Variants in RAP1GDS1 observed in about 807,000 individuals in gnomAD.
The protein encoded by RAP1GDS1 is RAP1, GTP-GDP dissociation stimulator 1.
Under a neutral mutation model 71.1 loss-of-function variants are expected in RAP1GDS1, and 35 were observed. The ratio of observed to expected loss-of-function variants is 0.49; its 90% confidence interval spans 0.38 to 0.65. RAP1GDS1 has a LOEUF of 0.65. RAP1GDS1 is among the 30% of genes least tolerant of loss of function. The probability of loss-of-function intolerance (pLI) is 0.00; values close to 1 mark genes in which losing one functional copy is unlikely to be tolerated. For synonymous variants in RAP1GDS1, 229 were observed against 243.1 expected, an observed-to-expected ratio of 0.94 and a Z score of 0.54; for missense variants, 663 against 706.1, an observed-to-expected ratio of 0.94 and a Z score of 0.69.
chr4:98,436,847 G>A (rs1223615483), intron 13 of RAP1GDS1, 93 bp from the exon 14 acceptor site: 1 of 1,261,210 alleles, frequency 7.9e-7, no homozygotes, highest in African/African-American at 1.5e-5. Context: ...CCATTTAGAA[G>A]GTTTCGTATG....
At chr4:98,285,824 TAATTATAAATA>T (rs1247524623) in intron 1 of RAP1GDS1, among the ~76,000 whole-genome samples, 3 of 128,946 alleles carry the variant, frequency 2.3e-5, no homozygotes, top group South Asian at 2.4e-4. Context: ...TTATAATAAA[TAATTATAAATA>T]AATTATAAAT....
At chr4:98,296,969 T>C in intron 2 of RAP1GDS1, 2 of 297,574 alleles carry the variant, frequency 6.7e-6, no homozygotes, top group Non-Finnish European at 6.6e-6. Flanking sequence ...GCCATACAGC[T>C]TTAAACTCTC....
intron 10 of RAP1GDS1, among the ~76,000 whole-genome samples, chr4:98,419,013 T>C (rs930354755): frequency 2.0e-5 from 3 of 152,246 alleles, no homozygotes; most frequent in African/African-American, 4.8e-5. Flanking sequence ...TCAGATATCC[T>C]GTTACCTTTT....
intron 4 of RAP1GDS1, among the ~76,000 whole-genome samples, chr4:98,359,202 T>A (rs1458655697): frequency 2.0e-5 from 3 of 152,060 alleles, no homozygotes; most frequent in Non-Finnish European, 4.4e-5. Context: ...AAAATAAGAT[T>A]TACGGAGTGG....
At chr4:98,374,121 A>G (rs28656298) in intron 4 of RAP1GDS1, among the ~76,000 whole-genome samples, 22,899 of 152,108 alleles carry the variant, frequency 0.15, 2,626 homozygotes, top group African/African-American at 0.31. Context: ...AAGGGGGACT[A>G]CTGACTACTG....
At chr4:98,386,680 A>G (rs1478200922) in intron 5 of RAP1GDS1, among the ~76,000 whole-genome samples, 2 of 151,790 alleles carry the variant, frequency 1.3e-5, no homozygotes, top group Non-Finnish European at 2.9e-5. Context: ...AGAAGGCTTT[A>G]AAATAATTGA....
intron 6 of RAP1GDS1, among the ~76,000 whole-genome samples, chr4:98,401,460 TAAAC>T (rs1298760793): frequency 3.3e-5 from 5 of 152,112 alleles, no homozygotes; most frequent in East Asian, 1.9e-4. Context: ...AAATGCCAAA[TAAAC>T]TAGCAGTACA....
At chr4:98,361,953 T>C (rs1255009935) in intron 4 of RAP1GDS1, among the ~76,000 whole-genome samples, 2 of 152,238 alleles carry the variant, frequency 1.3e-5, no homozygotes, top group East Asian at 3.8e-4. Context: ...CTTTTGCTTT[T>C]ATATCTAGTC....
intron 7 of RAP1GDS1, among the ~76,000 whole-genome samples, chr4:98,408,036 G>A (rs567015890): frequency 4.6e-5 from 7 of 151,580 alleles, no homozygotes; most frequent in Non-Finnish European, 8.8e-5. Flanking sequence ...AGACCTTACC[G>A]CAGGTCTTAC....
chr4:98,356,188 C>A (rs1007793063), intron 4 of RAP1GDS1, among the ~76,000 whole-genome samples: 1 of 151,996 alleles, frequency 6.6e-6, no homozygotes, highest in Non-Finnish European at 1.5e-5. Flanking sequence ...ATGGGATACA[C>A]CAGGGAATGT....
chr4:98,381,457 T>A (rs1013374975), intron 5 of RAP1GDS1, among the ~76,000 whole-genome samples: 1 of 151,630 alleles, frequency 6.6e-6, no homozygotes, highest in Non-Finnish European at 1.5e-5. Context: ...TATTGTTTTG[T>A]CCATTATTTG....
At chr4:98,393,266 G>T (rs1041814780) in intron 6 of RAP1GDS1, among the ~76,000 whole-genome samples, 1 of 152,124 alleles carries the variant, frequency 6.6e-6, no homozygotes, top group African/African-American at 2.4e-5. Flanking sequence ...AAAGGGAATA[G>T]AAATTATTAA....
At chr4:98,430,658 C>A (rs144119863) in intron 12 of RAP1GDS1, among the ~76,000 whole-genome samples, 300 of 152,282 alleles carry the variant, frequency 2.0e-3, no homozygotes, top group African/African-American at 7.1e-3. Flanking sequence ...GACCATGGAT[C>A]CTTTCTGCAG....
chr4:98,399,302 G>A (rs1028145115), intron 6 of RAP1GDS1, among the ~76,000 whole-genome samples: 2 of 152,162 alleles, frequency 1.3e-5, no homozygotes, highest in African/African-American at 4.8e-5. Flanking sequence ...GAAAATATTT[G>A]CAAATTATTC....
At chr4:98,395,443 C>T (rs1466721615) in intron 6 of RAP1GDS1, among the ~76,000 whole-genome samples, 5 of 152,230 alleles carry the variant, frequency 3.3e-5, no homozygotes, top group African/African-American at 9.6e-5. Flanking sequence ...GTATACCATG[C>T]CAGCCTGTGC....
intron 4 of RAP1GDS1, among the ~76,000 whole-genome samples, chr4:98,360,992 A>C (rs1415444572): frequency 6.6e-6 from 1 of 151,568 alleles, no homozygotes; most frequent in African/African-American, 2.4e-5. Flanking sequence ...AGGCTGGGGC[A>C]TGAGAATTGC....
intron 2 of RAP1GDS1, among the ~76,000 whole-genome samples, chr4:98,339,556 G>C (rs1402532911): frequency 6.6e-6 from 1 of 151,806 alleles, no homozygotes; most frequent in African/African-American, 2.4e-5. Flanking sequence ...TGATCACAGT[G>C]CATCGTTTTT....
At position 98,352,516 on chromosome 4, in the gene RAP1GDS1, A is replaced by T; in HGVS notation, c.276A>T (p.Ser92=). 3 of 1,614,022 alleles carry T rather than the reference A, an allele frequency of 1.9e-6. No individual in the cohort carries two copies. The highest frequency in any genetic ancestry group is 2.5e-6 in the Non-Finnish European group (3 of 1,179,918). ...RIPCVDAGLI[S]PLVQLLNSKD... is the part of the protein sequence containing the mutation. ...CATGTGTGGATGCTGGATTGATTTC[A>T]CCACTGGTGCAGCTGCTAAATAGCA... The change falls in exon 4 of 15, where the codon TCA becomes TCT. Residue 92 remains serine (S), a synonymous_variant. Transcript: ENST00000408927.
intron 4 of RAP1GDS1, among the ~76,000 whole-genome samples, chr4:98,377,051 G>A (rs1390562412): frequency 2.0e-5 from 3 of 151,894 alleles, no homozygotes; most frequent in Non-Finnish European, 4.4e-5. Context: ...TTGCAAATAG[G>A]TGCCACATAG....
Sources: allele counts gnomAD v4.1 joint callset (sites outside exome capture counted in the v4.1 genomes callset), GRCh38; gene constraint gnomAD v4.1.1; transcripts MANE v1.5; gene names NCBI Gene and HGNC (gene_info 2026-07-23, HGNC 2026-07-21).